The following AUTS2 variants were observed in gnomAD, a reference collection of about 807,000 sequenced individuals.
AUTS2 encodes the protein activator of transcription and developmental regulator AUTS2.
In AUTS2, 17 loss-of-function variants were observed where a neutral mutation model predicts 112.4. That is an observed-to-expected ratio of 0.15 (90% CI 0.10 to 0.23). The LOEUF is 0.23. Among genes scored for constraint, AUTS2 ranks in the 10% least tolerant of loss-of-function variants. The pLI is 1.00. For missense variants in AUTS2, 1,510 were observed against 1,701.6 expected (o/e 0.89, Z 1.98); for synonymous variants, 751 against 702.7 (o/e 1.07, Z -1.09).
At chr7:70,239,311 A>G (rs1265665997) in intron 4 of AUTS2, among the ~76,000 whole-genome samples, 3 of 152,154 alleles carry the variant, frequency 2.0e-5, no homozygotes, top group Non-Finnish European at 4.4e-5. Flanking sequence ...TCTTTTGAGA[A>G]GATGATTTTT....
chr7:70,609,959 TTTGTTGTTGTTG>T (rs200432278), intron 5 of AUTS2, among the ~76,000 whole-genome samples: 2,167 of 122,918 alleles, frequency 0.018, 41 homozygotes, highest in African/African-American at 0.055. Flanking sequence ...AGTTCTGTTT[TTTGTTGTTGTTG>T]TTGTTGTTGT....
At chr7:70,496,961 G>A (rs1410750983) in intron 5 of AUTS2, among the ~76,000 whole-genome samples, 4 of 92,762 alleles carry the variant, frequency 4.3e-5, no homozygotes, top group Admixed American at 1.4e-4. Flanking sequence ...ACATGCACAC[G>A]TCACATCAGC....
intron 5 of AUTS2, among the ~76,000 whole-genome samples, chr7:70,445,313 G>A (rs1333744477): frequency 6.6e-6 from 1 of 152,128 alleles, no homozygotes; most frequent in African/African-American, 2.4e-5. Context: ...CCGTACGTCA[G>A]TGTGAGTTGG....
chr7:70,478,363 G>C (rs1797660980), intron 5 of AUTS2, among the ~76,000 whole-genome samples: 1 of 152,010 alleles, frequency 6.6e-6, no homozygotes, highest in South Asian at 2.1e-4. Flanking sequence ...TCTGGACACA[G>C]AGGCCTCCCA....
chr7:70,203,438 GA>G (rs1283309518), intron 4 of AUTS2, among the ~76,000 whole-genome samples: 1 of 150,590 alleles, frequency 6.6e-6, no homozygotes, highest in African/African-American at 2.4e-5. Flanking sequence ...CTAAAGAATG[GA>G]AGGAAAATAA....
chr7:70,217,464 T>C (rs932225249), intron 4 of AUTS2, among the ~76,000 whole-genome samples: 6 of 152,224 alleles, frequency 3.9e-5, no homozygotes, highest in African/African-American at 1.4e-4. Context: ...CGAATAAAGC[T>C]GAGTGGCACC....
chr7:70,564,725 G>A (rs1457767517), intron 5 of AUTS2, among the ~76,000 whole-genome samples: 2 of 152,172 alleles, frequency 1.3e-5, no homozygotes, highest in Non-Finnish European at 2.9e-5. Flanking sequence ...ATATTATTGT[G>A]ATCCATCAAA....
At chr7:70,524,002 A>T (rs1799743171) in intron 5 of AUTS2, among the ~76,000 whole-genome samples, 1 of 152,232 alleles carries the variant, frequency 6.6e-6, no homozygotes, top group Admixed American at 6.5e-5. Flanking sequence ...TTTTCTCTTA[A>T]GAAATTAAAC....
chr7:70,004,198 AT>A (rs1216273935), intron 2 of AUTS2, among the ~76,000 whole-genome samples: 5 of 134,414 alleles, frequency 3.7e-5, no homozygotes, highest in South Asian at 2.3e-4. Flanking sequence ...GTGAATATAT[AT>A]TATATATATG....
At chr7:70,367,010 C>T (rs1792602954) in intron 4 of AUTS2, among the ~76,000 whole-genome samples, 1 of 152,088 alleles carries the variant, frequency 6.6e-6, no homozygotes, top group Non-Finnish European at 1.5e-5. Context: ...ATGGGCTGGG[C>T]ATGGTGGCTC....
intron 1 of AUTS2, among the ~76,000 whole-genome samples, chr7:69,721,885 A>T (rs938099721): frequency 6.6e-6 from 1 of 152,208 alleles, no homozygotes; most frequent in Admixed American, 6.5e-5. Context: ...GCTAGAGCAC[A>T]GGTACATGGG....
intron 2 of AUTS2, among the ~76,000 whole-genome samples, chr7:70,031,818 C>T (rs543918079): frequency 2.8e-4 from 42 of 152,052 alleles, no homozygotes; most frequent in South Asian, 2.1e-4. Context: ...ATGTCCCTTA[C>T]GAAATAAAAG....
At chr7:69,734,076 G>A (rs1336209915) in intron 1 of AUTS2, among the ~76,000 whole-genome samples, 1 of 152,060 alleles carries the variant, frequency 6.6e-6, no homozygotes, top group Non-Finnish European at 1.5e-5. Flanking sequence ...ATAAAATTCT[G>A]GATATTGGAC....
At chr7:70,337,034 A>T (rs1791021695) in intron 4 of AUTS2, among the ~76,000 whole-genome samples, 1 of 152,242 alleles carries the variant, frequency 6.6e-6, no homozygotes, top group Non-Finnish European at 1.5e-5. Flanking sequence ...CTTAAAACTC[A>T]GCAGACACGT....
At chr7:69,890,778 T>C (rs933633859) in intron 1 of AUTS2, among the ~76,000 whole-genome samples, 5 of 152,202 alleles carry the variant, frequency 3.3e-5, no homozygotes, top group African/African-American at 1.2e-4. Flanking sequence ...GACATTCGTG[T>C]TCACAACTGA....
chr7:69,781,682 G>A (rs1347641819), intron 1 of AUTS2, among the ~76,000 whole-genome samples: 1 of 152,148 alleles, frequency 6.6e-6, no homozygotes, highest in Non-Finnish European at 1.5e-5. Flanking sequence ...CACATTACTT[G>A]TAATCTTGCC....
intron 4 of AUTS2, among the ~76,000 whole-genome samples, chr7:70,153,885 C>G (rs1268249368): frequency 6.6e-6 from 1 of 152,112 alleles, no homozygotes; most frequent in East Asian, 1.9e-4. Context: ...AAAATGCATA[C>G]AAAAGAGCCC....
chr7:70,582,432 G>A (rs1055613504), intron 5 of AUTS2, among the ~76,000 whole-genome samples: 2 of 152,202 alleles, frequency 1.3e-5, no homozygotes, highest in Non-Finnish European at 1.5e-5. Flanking sequence ...TTGAATGGCT[G>A]CATGTGGAGA....
At chr7:70,609,233 C>T (rs1803941977) in intron 5 of AUTS2, among the ~76,000 whole-genome samples, 2 of 152,088 alleles carry the variant, frequency 1.3e-5, no homozygotes. Context: ...CCGCCCAGCC[C>T]CTGGTAACCA....
Sources: gnomAD v4.1 joint callset for allele counts (sites outside exome capture counted in the v4.1 genomes callset) on GRCh38, gnomAD v4.1.1 for gene constraint, MANE v1.5 for transcripts, NCBI Gene and HGNC (gene_info 2026-07-23, HGNC 2026-07-21) for gene names.